SLC37A3: variants seen among roughly 807,000 people sequenced by gnomAD.
The protein encoded by SLC37A3 is solute carrier family 37 member 3.
A neutral mutation model predicts 67.1 loss-of-function variants in SLC37A3; 51 were observed. That is an observed-to-expected ratio of 0.76 (90% CI 0.61 to 0.96). The LOEUF (loss-of-function observed/expected upper bound fraction) is 0.96, where lower values mean the gene tolerates loss of function less well. SLC37A3 is among the 40% of genes least tolerant of loss of function. SLC37A3 has a pLI of 0.00. For synonymous variants in SLC37A3, 214 were observed against 231.4 expected (o/e 0.92, Z 0.68); for missense variants, 508 against 603.0 (o/e 0.84, Z 1.65).
intron 13 of SLC37A3, among the ~76,000 whole-genome samples, chr7:140,342,571 C>G (rs1485472309): frequency 1.3e-5 from 2 of 152,024 alleles, no homozygotes; most frequent in Admixed American, 1.3e-4. Flanking sequence ...ATCCATCTTT[C>G]TACAAAATTA....
chr7:140,383,811 G>A (rs1798346775), intron 1 of SLC37A3, among the ~76,000 whole-genome samples: 1 of 152,078 alleles, frequency 6.6e-6, no homozygotes, highest in Non-Finnish European at 1.5e-5. Flanking sequence ...CAAGTAGCTG[G>A]GACTATAAGC....
chr7:140,360,000 T>G (rs755382886), intron 5 of SLC37A3, among the ~76,000 whole-genome samples: 27 of 152,194 alleles, frequency 1.8e-4, no homozygotes, highest in Non-Finnish European at 3.1e-4. Flanking sequence ...CTTCCATCTC[T>G]AAAATGTCAA....
At chr7:140,391,505 G>A (rs943653816) in intron 1 of SLC37A3, among the ~76,000 whole-genome samples, 7 of 152,186 alleles carry the variant, frequency 4.6e-5, no homozygotes, top group Admixed American at 1.3e-4. Flanking sequence ...GCAGTGAGCC[G>A]AGATCAGGCC....
At chr7:140,346,220 A>T (rs1412765376) in intron 10 of SLC37A3, among the ~76,000 whole-genome samples, 2 of 152,118 alleles carry the variant, frequency 1.3e-5, no homozygotes, top group Non-Finnish European at 2.9e-5. Context: ...TCTACTAAAA[A>T]TACAAAAAAA....
At position 140,386,349 on chromosome 7, in the gene SLC37A3, C is replaced by T. The variant is rs557539286; in HGVS notation, c.-70-3753G>A. Among the ~76,000 whole-genome samples the T allele has an allele frequency of 1.1e-4, 16 of 152,042 alleles. 1 individual carries two copies. Among genetic ancestry groups the T allele is most frequent in the African/African-American group, 3.1e-4 (13 of 41,478 alleles). ...CCTTCCAAAGTGCTGAGACTACAAG[C>T]GTGAGCCACCTCGCCCAGGAAAATA... is the stretch of plus-strand genomic sequence containing the variant. On this transcript the variant is annotated intron_variant, in intron 1 of 14. Transcript: ENST00000326232.
chr7:140,371,118 T>C (rs1295386037), intron 3 of SLC37A3, among the ~76,000 whole-genome samples: 1 of 152,188 alleles, frequency 6.6e-6, no homozygotes, highest in Non-Finnish European at 1.5e-5. Context: ...GCTGAGCAGC[T>C]CTCACAGCAC....
intron 3 of SLC37A3, among the ~76,000 whole-genome samples, chr7:140,374,199 G>T (rs915225539): frequency 1.3e-5 from 2 of 152,056 alleles, no homozygotes; most frequent in East Asian, 3.9e-4. Flanking sequence ...GTTACAGAAA[G>T]AAATTTTGAT....
chr7:140,356,822 A>G (rs10250239), intron 6 of SLC37A3, among the ~76,000 whole-genome samples: 3,467 of 152,338 alleles, frequency 0.023, 120 homozygotes, highest in African/African-American at 0.079. Flanking sequence ...AAGCACGCCA[A>G]GTGTTGGGAA....
intron 1 of SLC37A3, among the ~76,000 whole-genome samples, chr7:140,392,243 G>A (rs1413002553): frequency 1.3e-5 from 2 of 152,076 alleles, no homozygotes; most frequent in East Asian, 1.9e-4. Flanking sequence ...CCAGATAGTC[G>A]CTAACCACCT....
At chr7:140,358,829 A>G in intron 5 of SLC37A3, 44 bp from the exon 6 acceptor site, 1 of 1,611,694 alleles carries the variant, frequency 6.2e-7, no homozygotes, top group South Asian at 1.1e-5. Context: ...AGCCACACTG[A>G]CACTTTCAGT....
At chr7:140,370,014 G>C (rs1239721740) in intron 3 of SLC37A3, among the ~76,000 whole-genome samples, 2 of 152,144 alleles carry the variant, frequency 1.3e-5, no homozygotes, top group Non-Finnish European at 2.9e-5. Flanking sequence ...AGAGGCTGAG[G>C]CACAAGAATT....
At chr7:140,368,904 C>T (rs1797711895) in intron 4 of SLC37A3, among the ~76,000 whole-genome samples, 1 of 152,180 alleles carries the variant, frequency 6.6e-6, no homozygotes, top group Non-Finnish European at 1.5e-5. Flanking sequence ...TACTGTTGCG[C>T]TGGACCCAAG....
At chr7:140,352,806 C>T (rs1796867939) in intron 7 of SLC37A3, among the ~76,000 whole-genome samples, 1 of 152,096 alleles carries the variant, frequency 6.6e-6, no homozygotes, top group Non-Finnish European at 1.5e-5. Context: ...AAGGTGACAG[C>T]TAGATTAAAG....
chr7:140,392,100 C>T (rs1798746485), intron 1 of SLC37A3, among the ~76,000 whole-genome samples: 1 of 152,084 alleles, frequency 6.6e-6, no homozygotes, highest in Admixed American at 6.6e-5. Flanking sequence ...TTACGGAAAA[C>T]CCTCTCCCCT....
intron 1 of SLC37A3, among the ~76,000 whole-genome samples, chr7:140,383,368 G>A (rs1006337283): frequency 4.6e-5 from 7 of 152,060 alleles, no homozygotes; most frequent in African/African-American, 1.7e-4. Context: ...CTACTGGAGA[G>A]GCTGAGACAG....
intron 14 of SLC37A3, among the ~76,000 whole-genome samples, chr7:140,336,455 C>T (rs1438110243): frequency 6.6e-6 from 1 of 152,154 alleles, no homozygotes; most frequent in Non-Finnish European, 1.5e-5. Context: ...ATAAACAAGG[C>T]CTTACTCTGT....
chr7:140,361,795 G>A (rs1289366617), intron 5 of SLC37A3, among the ~76,000 whole-genome samples: 1 of 143,824 alleles, frequency 7.0e-6, no homozygotes, highest in Non-Finnish European at 1.5e-5. Context: ...CGAGTGATCC[G>A]CCAGCCTCGG....
chr7:140,346,610 C>T (rs1796570913), intron 10 of SLC37A3, among the ~76,000 whole-genome samples: 1 of 152,242 alleles, frequency 6.6e-6, no homozygotes, highest in African/African-American at 2.4e-5. Flanking sequence ...GAATTAAGAA[C>T]TATGCCTTGC....
chr7:140,344,076 T>C (rs1026772443), intron 12 of SLC37A3: 2 of 171,266 alleles, frequency 1.2e-5, no homozygotes, highest in African/African-American at 4.8e-5. Flanking sequence ...ATCAGTTCCA[T>C]GTACCCCAAG....
Sources: allele counts gnomAD v4.1 joint callset (sites outside exome capture counted in the v4.1 genomes callset), GRCh38; gene constraint gnomAD v4.1.1; transcripts MANE v1.5; gene names NCBI Gene and HGNC (gene_info 2026-07-23, HGNC 2026-07-21).